Variants in NR4A1 observed in about 807,000 individuals in gnomAD.
NR4A1 encodes nuclear receptor subfamily 4immunitygroup A member 1.
In NR4A1, 24 loss-of-function variants were observed where a neutral mutation model predicts 47.5. The observed-to-expected ratio is 0.50, with a 90% CI of 0.37 to 0.71. The LOEUF is 0.71. Ranked by LOEUF, NR4A1 falls within the 30% of genes least tolerant of loss-of-function variation. The probability of loss-of-function intolerance (pLI) is 0.00; values close to 1 mark genes in which losing one functional copy is unlikely to be tolerated. For synonymous variants in NR4A1, 353 were observed against 345.7 expected (o/e 1.02, Z -0.24); for missense variants, 669 against 788.6 (o/e 0.85, Z 1.82).
Position 52,059,057 on chromosome 12 carries a change from TC to T in NR4A1, c.*115del. 7.6e-7 allele frequency: 1 copy of T among 1,319,912 alleles called. No homozygotes were observed. The highest frequency in any genetic ancestry group is 1.0e-6 in the Non-Finnish European group (1 of 978,616). The allele number at this position is 1,319,912 out of a possible 1,614,324, so 81.8% of individuals were successfully genotyped here. On this transcript the variant is annotated 3_prime_UTR_variant, in exon 7 of 7. Transcript: ENST00000394825. ...GCCTGGGCTTGAGCTGCAGAATGAC[TC>T]CACCTTCTCACCTGCTCCAGGAGGT...
At chr12:52,028,264 A>G (rs1215021488) in intron 1 of NR4A1, among the ~76,000 whole-genome samples, 3 of 151,010 alleles carry the variant, frequency 2.0e-5, no homozygotes, top group Non-Finnish European at 4.4e-5. Context: ...GGCCATGCCA[A>G]TTCTGTGCCT....
rs1216532330 is a variant in NR4A1 at position 52,054,531 on chromosome 12, T to G, written c.203T>G (p.Leu68Arg). The stretch of plus-strand genomic sequence containing the variant: ...TACACAGGAGAGTTTGACACCTTCC[T>G]CTACCAGCTGCCAGGAACAGTCCAG... The part of the protein sequence containing the change: ...DGYTGEFDTF[L>R]YQLPGTVQPC... The change falls in exon 2 of 7, where the codon CTC becomes CGC. Residue 68 changes from leucine (L) to arginine (R), a missense_variant. Leu to Arg is a moderately radical substitution (Grantham distance 102, BLOSUM62 -2). Transcript: ENST00000394825. The G allele has an allele frequency of 6.2e-7, 1 of 1,613,998 alleles. No individual in the cohort carries two copies. Among genetic ancestry groups the G allele is most frequent in the Non-Finnish European group, 8.5e-7 (1 of 1,179,950 alleles).
At chr12:52,044,024 G>T (rs1313224040) in intron 2 of NR4A1, 1 of 904,920 alleles carries the variant, frequency 1.1e-6, no homozygotes, top group Non-Finnish European at 1.5e-6. Context: ...GGAAGCAAGG[G>T]TGGCCGACAA....
At position 52,058,741 on chromosome 12, in the gene NR4A1, G is replaced by A. The variant is rs774548596; in HGVS notation, c.1594G>A (p.Ala532Thr). Residue 532 changes from alanine to threonine, a missense_variant, in exon 7 of 7, where the codon GCC (alanine) becomes ACC (threonine). Transcript: ENST00000394825. ...GGTGGAGGAGCTGCAGAACCGCATCGCCAGCTGCCTGAAGGAGCACGTGGC... is the reference window on the plus strand; with the variant it reads ...GGTGGAGGAGCTGCAGAACCGCATCACCAGCTGCCTGAAGGAGCACGTGGC... ...RRVEELQNRIASCLKEHVAAV... is the reference protein window; with the variant it reads ...RRVEELQNRITSCLKEHVAAV... 5.0e-5 allele frequency: 80 copies of A among 1,611,606 alleles called. No homozygotes were observed. The Middle Eastern group carries it at 5.1e-4, about 10-fold the overall frequency.
At chr12:52,057,817 C>T (rs1454629110) in intron 6 of NR4A1, among the ~76,000 whole-genome samples, 1 of 152,132 alleles carries the variant, frequency 6.6e-6, no homozygotes, top group East Asian at 1.9e-4. Flanking sequence ...TTTTTAAAAC[C>T]TTCCTGTCAA....
At chr12:52,038,754 C>G (rs762211850) in intron 1 of NR4A1, 2 of 764,698 alleles carry the variant, frequency 2.6e-6, no homozygotes, top group East Asian at 2.4e-5. Context: ...TTGAAGGTAA[C>G]TGGGCAGAAG....
upstream of NR4A1, among the ~76,000 whole-genome samples, chr12:52,050,756 C>T (rs1355244137): frequency 1.3e-5 from 2 of 152,156 alleles, no homozygotes; most frequent in African/African-American, 4.8e-5. Flanking sequence ...AGCCTGAGAC[C>T]CTGCTGGGGA....
At chr12:52,037,446 GA>G in intron 1 of NR4A1, 1 of 986,228 alleles carries the variant, frequency 1.0e-6, no homozygotes, top group African/African-American at 1.7e-5. Flanking sequence ...GGGGCCAGGT[GA>G]GGGGCTGCCG....
intron 1 of NR4A1, 32 bp from the exon 2 acceptor site, chr12:52,054,295 C>T (rs1328795289): frequency 2.6e-6 from 4 of 1,561,710 alleles, no homozygotes; most frequent in East Asian, 2.3e-5. Flanking sequence ...ACTGACTCTC[C>T]TTTCCCTCCC....
At chr12:52,052,547 T>G in intron 1 of NR4A1, 10 of 985,422 alleles carry the variant, frequency 1.0e-5, no homozygotes, top group Non-Finnish European at 1.2e-5. Flanking sequence ...GCCACATTGT[T>G]GCCAAGACCT....
At chr12:52,042,052 T>G (rs1592288048) in intron 2 of NR4A1, 3 of 1,134,168 alleles carry the variant, frequency 2.6e-6, no homozygotes, top group South Asian at 3.9e-5. Flanking sequence ...CCTGGGGAGG[T>G]GGCAGCCGAG....
chr12:52,035,818 T>TG (rs144161675), intron 1 of NR4A1, among the ~76,000 whole-genome samples: 3,547 of 151,866 alleles, frequency 0.023, 158 homozygotes, highest in African/African-American at 0.082. Context: ...GGGTGGGCAG[T>TG]GGGGTGGAGA....
chr12:52,032,652 G>T (rs1938151159), intron 1 of NR4A1, among the ~76,000 whole-genome samples: 2 of 152,090 alleles, frequency 1.3e-5, no homozygotes, highest in South Asian at 4.2e-4. Context: ...CCAGTGAGAG[G>T]GCTGGCCTAG....
At chr12:52,047,366 T>G (rs1159213912), upstream of NR4A1, among the ~76,000 whole-genome samples, 6 of 152,232 alleles carry the variant, frequency 3.9e-5, no homozygotes, top group African/African-American at 9.6e-5. Flanking sequence ...CATTCTCCCT[T>G]GAGGGCCCAC....
chr12:52,049,674 A>C (rs188184452), upstream of NR4A1, among the ~76,000 whole-genome samples: 1 of 152,212 alleles, frequency 6.6e-6, no homozygotes, highest in Admixed American at 6.5e-5. Context: ...AAAACAAAAC[A>C]AAAACGGGGA....
intron 1 of NR4A1, among the ~76,000 whole-genome samples, chr12:52,051,769 C>T (rs1938965832): frequency 6.6e-6 from 1 of 152,098 alleles, no homozygotes; most frequent in South Asian, 2.1e-4. Context: ...AGGTTGACTA[C>T]CTGCAAAGTG....
intron 6 of NR4A1, 43 bp downstream of exon 6, chr12:52,057,573 A>G: frequency 6.2e-7 from 1 of 1,606,808 alleles, no homozygotes; most frequent in Admixed American, 1.7e-5. Flanking sequence ...AATGGGCGTC[A>G]GGGGGTTGAC....
At chr12:52,050,389 T>G (rs1431875404), upstream of NR4A1, among the ~76,000 whole-genome samples, 1 of 152,244 alleles carries the variant, frequency 6.6e-6, no homozygotes, top group African/African-American at 2.4e-5. Context: ...AGATGCAGTC[T>G]GTGGCCCTGG....
rs554281668 is a variant in NR4A1 at position 52,056,820 on chromosome 12, C to T, written c.1158+175C>T. On this transcript the variant is annotated intron_variant, in intron 4 of 6. Coordinates refer to ENST00000394825, the MANE Select transcript of NR4A1 (RefSeq NM_173157.3). Reference sequence around the variant, plus strand: ...CAGATCAAAGAGAGGATCCCCCTCTCGGCTGACCAGATGGGAAAATGCACC... The same window carrying T: ...CAGATCAAAGAGAGGATCCCCCTCTTGGCTGACCAGATGGGAAAATGCACC... 144 of 888,668 alleles carry T rather than the reference C, an allele frequency of 1.6e-4. 1 individual carries two copies. The African/African-American group carries it at 1.7e-3, about 10-fold the overall frequency. 55.0% of individuals were successfully genotyped at this position (888,668 alleles called of 1,614,324 possible).
Sources: gnomAD v4.1 joint callset for allele counts (sites outside exome capture counted in the v4.1 genomes callset) on GRCh38, gnomAD v4.1.1 for gene constraint, MANE v1.5 for transcripts, NCBI Gene and HGNC (gene_info 2026-07-23, HGNC 2026-07-21) for gene names.